The following ADAP1 variants were observed in gnomAD, a reference collection of about 807,000 sequenced individuals.
The protein encoded by ADAP1 is ArfGAP with dual PH domains 1.
A neutral mutation model predicts 54.9 loss-of-function variants in ADAP1; 31 were observed. The ratio of observed to expected loss-of-function variants is 0.56; its 90% CI spans 0.42 to 0.76. ADAP1 has a LOEUF of 0.76. Ranked by LOEUF, ADAP1 falls within the 30% of genes least tolerant of loss-of-function variation. The pLI, the probability that ADAP1 is intolerant of heterozygous loss-of-function variation, is 0.00. For missense variants in ADAP1, 535 were observed against 512.4 expected (o/e 1.04, Z -0.42); for synonymous variants, 313 against 202.6 (o/e 1.55, Z -4.63).
chr7:928,062 A>C (rs940305782), intron 2 of ADAP1, among the ~76,000 whole-genome samples: 1 of 151,404 alleles, frequency 6.6e-6, no homozygotes, highest in Non-Finnish European at 1.5e-5. Context: ...AAAAAAAAAA[A>C]AAAAAAAATT....
rs547893485 is a variant in ADAP1, at chr7:900,899, G to A, written c.649-283C>T. On this transcript the variant is annotated intron_variant, in intron 6 of 10. Transcript: ENST00000265846. ...AAGGGCCGAAGGGCCGGGCCGGGCC[G>A]GGCTGGACAGGGTCGGGGGCTGCCA... is the stretch of plus-strand genomic sequence containing the variant. The A allele has an allele frequency of 6.4e-4, 374 of 581,132 alleles. 2 individuals are homozygous for A. The highest frequency in any genetic ancestry group is 6.5e-4 in the East Asian group (17 of 26,058). 36.0% of individuals were successfully genotyped at this position (581,132 alleles called of 1,614,324 possible).
intron 1 of ADAP1, among the ~76,000 whole-genome samples, chr7:935,778 C>T (rs1158801299): frequency 6.6e-6 from 1 of 152,104 alleles, no homozygotes. Flanking sequence ...GTGCCGGGAA[C>T]CTCCAGCAGA....
Position 920,780 on chromosome 7 carries a change from T to C in ADAP1, c.306-730A>G. On this transcript the variant is annotated intron_variant, in intron 3 of 10. Coordinates refer to ENST00000265846, the MANE Select transcript of ADAP1 (RefSeq NM_006869.4). The surrounding 1 kb of genome is among the most constrained non-coding windows in gnomAD (Gnocchi z 4.5). Reference sequence around the variant, plus strand: ...CCACGGCCTCCCCATCCACCGTGACTCACTCGAGTGAAGCCAATACCATTG... The same window carrying C: ...CCACGGCCTCCCCATCCACCGTGACCCACTCGAGTGAAGCCAATACCATTG... 1 of 1,548,324 alleles carries C rather than the reference T, an allele frequency of 6.5e-7. No individual in the cohort carries two copies. Among genetic ancestry groups the C allele is most frequent in the Non-Finnish European group, 8.7e-7 (1 of 1,146,150 alleles).
intron 1 of ADAP1, among the ~76,000 whole-genome samples, chr7:944,377 C>T (rs1339479246): frequency 6.6e-6 from 1 of 151,488 alleles, no homozygotes; most frequent in Non-Finnish European, 1.5e-5. Context: ...GTCTCAGCCT[C>T]CCAAGTAGCT....
chr7:906,756 GGACAGGGGACAT>G (rs1845454103), intron 4 of ADAP1, among the ~76,000 whole-genome samples: 1 of 38,896 alleles, frequency 2.6e-5, no homozygotes, highest in Non-Finnish European at 6.1e-5. Flanking sequence ...TAGGGGACAT[GGACAGGGGACAT>G]GGGGGACAGG....
At chr7:903,475 C>G (rs576582867) in intron 6 of ADAP1, among the ~76,000 whole-genome samples, 1 of 152,120 alleles carries the variant, frequency 6.6e-6, no homozygotes, top group East Asian at 1.9e-4. Flanking sequence ...GATTTAGGAA[C>G]GATATAGCGC....
intron 7 of ADAP1, 57 bp downstream of exon 7, chr7:900,476 A>ACCCCCCAC: frequency 9.4e-7 from 1 of 1,065,212 alleles, no homozygotes; most frequent in East Asian, 2.8e-5. Flanking sequence ...GGCTCCGTCC[A>ACCCCCCAC]CCCCCCACCC....
chr7:905,897 A>AGAAGGGAGAAGGGAGAAAGG (rs1845250433), intron 4 of ADAP1, among the ~76,000 whole-genome samples: 1 of 7,746 alleles, frequency 1.3e-4, no homozygotes, highest in South Asian at 6.0e-3. Flanking sequence ...AGGAGAAAGG[A>AGAAGGGAGAAGGGAGAAAGG]GAAAGGAGAA....
chr7:935,540 G>T (rs753072450), intron 1 of ADAP1, 35 bp from the exon 2 acceptor site: 1 of 1,553,052 alleles, frequency 6.4e-7, no homozygotes, highest in Non-Finnish European at 8.7e-7. Context: ...CGGAGGCTCA[G>T]CCCAGGGACC....
Position 924,120 on chromosome 7 carries a change from C to T in ADAP1, c.305+2433G>A, listed in dbSNP as rs570328189. Among the ~76,000 whole-genome samples, 470 of 57,048 alleles carry T rather than the reference C, an allele frequency of 8.2e-3. 6 individuals are homozygous for T. The Middle Eastern group carries it at 0.12, about 14-fold the overall frequency. The allele number at this position is 57,048 out of a possible 152,430, so 37.4% of individuals were successfully genotyped here. A position where few individuals can be genotyped will look rare whatever the true frequency, so the allele number is the denominator to read the frequency against. On this transcript the variant is annotated intron_variant, in intron 3 of 10. Transcript: ENST00000265846. ...CCCTCCGGGTTACACTGCAGGTCCA[C>T]GCTGCACCCCCCGCCCTCCGGGTTA...
intron 7 of ADAP1, 108 bp from the exon 8 acceptor site, chr7:900,272 GC>G: frequency 7.2e-7 from 1 of 1,380,218 alleles, no homozygotes; most frequent in Non-Finnish European, 1.0e-6. Flanking sequence ...CCAGGTCAGG[GC>G]CCAGGCCTGG....
chr7:910,673 G>A (rs968158387), intron 4 of ADAP1, among the ~76,000 whole-genome samples: 1 of 152,254 alleles, frequency 6.6e-6, no homozygotes, highest in South Asian at 2.1e-4. Context: ...CTGGGGCAGG[G>A]AAGCACGTGG....
At position 926,360 on chromosome 7, in the gene ADAP1, G is replaced by GCGCCCCCAA. The variant is rs1368110845; in HGVS notation, c.305+192_305+193insTTGGGGGCG. Among the ~76,000 whole-genome samples the GCGCCCCCAA allele has an allele frequency of 6.7e-6, 1 of 150,344 alleles. No individual in the cohort carries two copies. The highest frequency in any genetic ancestry group is 1.5e-5 in the Non-Finnish European group (1 of 67,436). On this transcript the variant is annotated intron_variant, in intron 3 of 10. Transcript: ENST00000265846. The surrounding 1 kb of genome is among the most constrained non-coding windows in gnomAD (Gnocchi z 4.6). ...TCCCAGCCCCACCCCAGCGCCCCCC[G>GCGCCCCCAA]CCCCAGAACCAAAGCCCGGTGGTGG...
At chr7:915,346 C>CAGGGGAGAGAACAG in intron 4 of ADAP1, among the ~76,000 whole-genome samples, 1 of 152,214 alleles carries the variant, frequency 6.6e-6, no homozygotes, top group South Asian at 2.1e-4. Context: ...CACACCCATC[C>CAGGGGAGAGAACAG]AGGGGAGAGA....
In ADAP1 at chr7:905,001, T is replaced by C. The variant is rs1845032488; in HGVS notation, c.501+59A>G. The C allele has an allele frequency of 4.7e-6, 7 of 1,482,378 alleles. No individual in the cohort carries two copies. The Admixed American group carries it at 5.0e-5, about 11-fold the overall frequency. The allele number at this position is 1,482,378 out of a possible 1,614,324, so 91.8% of individuals were successfully genotyped here. A position where few individuals can be genotyped will look rare whatever the true frequency, so the allele number is the denominator to read the frequency against. On this transcript the variant is annotated intron_variant, in intron 5 of 10. Coordinates refer to ENST00000265846, the MANE Select transcript of ADAP1 (RefSeq NM_006869.4). ...GACGCGGCCACCACAGGCCCCAGTG[T>C]GGGAGGCCGGGATGCCGCCCTGGGA...
Position 898,661 on chromosome 7 carries a change from TCAGGGAGGGG to T in ADAP1, c.*250_*259del. 2 of 547,222 alleles carry T rather than the reference TCAGGGAGGGG, an allele frequency of 3.7e-6. No homozygotes were observed. Among genetic ancestry groups the T allele is most frequent in the African/African-American group, 1.9e-5 (1 of 52,584 alleles). The allele number at this position is 547,222 out of a possible 1,614,324, so 33.9% of individuals were successfully genotyped here. On this transcript the variant is annotated 3_prime_UTR_variant, in exon 11 of 11. Transcript: ENST00000265846. The stretch of plus-strand genomic sequence containing the variant: ...GCCCTGGAGGAAAGGGGGCCCCGGG[TCAGGGAGGGG>T]CAGGTTGGCTGGGTGTGGTCAGCAG...
At chr7:951,501 T>G (rs1318670788) in intron 1 of ADAP1, among the ~76,000 whole-genome samples, 1 of 151,580 alleles carries the variant, frequency 6.6e-6, no homozygotes, top group Non-Finnish European at 1.5e-5. Flanking sequence ...TTCCTGAAAC[T>G]GGGAGTTGGA....
intron 4 of ADAP1, 78 bp from the exon 5 acceptor site, chr7:905,250 G>GAGGGGACATGGGGAGAAGACAC (rs1845056328): frequency 2.8e-6 from 3 of 1,062,836 alleles, no homozygotes; most frequent in South Asian, 1.3e-5. Context: ...GGACAGGACA[G>GAGGGGACATGGGGAGAAGACAC]AGGGGACATG....
At position 906,541 on chromosome 7, in the gene ADAP1, G is replaced by GA. The variant is rs1554272285; in HGVS notation, c.389-1370dup. 8.4e-4 allele frequency among the ~76,000 whole-genome samples: 5 copies of GA among 5,950 alleles called. 1 individual carries two copies. The highest frequency in any genetic ancestry group is 1.7e-3 in the Admixed American group (1 of 580). 3.9% of individuals were successfully genotyped at this position (5,950 alleles called of 152,430 possible). On this transcript the variant is annotated intron_variant, in intron 4 of 10. Transcript: ENST00000265846. ...AAGGAGAAAGGGAAAGGAGAAAGGA[G>GA]AAGGGAGAAAGGGAGAAAGGGAAAG...
Sources: gnomAD v4.1 joint callset for allele counts (sites outside exome capture counted in the v4.1 genomes callset) on GRCh38, gnomAD v4.1.1 for gene constraint, Gnocchi (gnomAD v3.1) non-coding constraint, MANE v1.5 for transcripts, NCBI Gene and HGNC (gene_info 2026-07-23, HGNC 2026-07-21) for gene names.